MLLT10: variants seen among roughly 807,000 people sequenced by gnomAD.
MLLT10 encodes the protein MLLT10 histone lysine methyltransferase DOT1L cofactor.
Under a neutral mutation model 129.1 loss-of-function variants are expected in MLLT10, and 30 were observed. That is an observed-to-expected ratio of 0.23 (90% CI 0.17 to 0.32). MLLT10 has a LOEUF of 0.32. MLLT10 is among the 10% of genes least tolerant of loss of function. MLLT10 has a pLI of 1.00. For synonymous variants in MLLT10, 490 were observed against 446.4 expected (o/e 1.10, Z -1.23); for missense variants, 1,119 against 1,268.3 (o/e 0.88, Z 1.79).
chr10:21,724,224 G>C (rs2057322663), intron 14 of MLLT10, among the ~76,000 whole-genome samples: 1 of 152,238 alleles, frequency 6.6e-6, no homozygotes, highest in Non-Finnish European at 1.5e-5. Context: ...ACATTAAAGT[G>C]TGAACTATAA....
chr10:21,605,099 AAAAG>A (rs1469371664), intron 5 of MLLT10, among the ~76,000 whole-genome samples: 4 of 151,488 alleles, frequency 2.6e-5, no homozygotes, highest in Non-Finnish European at 4.4e-5. Context: ...AAAAAAAAAA[AAAAG>A]AAAGAAATAT....
At chr10:21,555,806 T>C (rs935255240) in intron 3 of MLLT10, among the ~76,000 whole-genome samples, 1 of 151,682 alleles carries the variant, frequency 6.6e-6, no homozygotes, top group Non-Finnish European at 1.5e-5. Context: ...TAGCTGGGTT[T>C]ATAGGCATGC....
intron 9 of MLLT10, among the ~76,000 whole-genome samples, chr10:21,667,729 T>C (rs1363457877): frequency 6.6e-6 from 1 of 152,170 alleles, no homozygotes; most frequent in Non-Finnish European, 1.5e-5. Context: ...GACAGAGCCT[T>C]GTAGACTAAT....
At chr10:21,556,137 G>A (rs1175490572) in intron 3 of MLLT10, among the ~76,000 whole-genome samples, 1 of 151,754 alleles carries the variant, frequency 6.6e-6, no homozygotes, top group African/African-American at 2.4e-5. Context: ...CACCACACCT[G>A]GCTAATTTTT....
chr10:21,572,901 A>G (rs1216807536), intron 3 of MLLT10, among the ~76,000 whole-genome samples: 1 of 152,126 alleles, frequency 6.6e-6, no homozygotes, highest in African/African-American at 2.4e-5. Context: ...ATGAGTCACC[A>G]CGCCTGGCCT....
intron 13 of MLLT10, among the ~76,000 whole-genome samples, chr10:21,713,456 T>C (rs1341074040): frequency 6.6e-6 from 1 of 152,252 alleles, no homozygotes; most frequent in Non-Finnish European, 1.5e-5. Context: ...TTCATTCCTC[T>C]ATTTAAGAAA....
intron 3 of MLLT10, among the ~76,000 whole-genome samples, chr10:21,582,343 C>T (rs2041561241): frequency 6.6e-6 from 1 of 152,074 alleles, no homozygotes; most frequent in Admixed American, 6.6e-5. Flanking sequence ...TGGTCTCGAA[C>T]TCCTGACCTC....
chr10:21,566,216 A>G (rs1198666758), intron 3 of MLLT10, among the ~76,000 whole-genome samples: 3 of 151,312 alleles, frequency 2.0e-5, no homozygotes, highest in Non-Finnish European at 4.4e-5. Context: ...AGGCCTCCCA[A>G]AGTGCTGGGA....
At chr10:21,613,192 CAAAAAAAAAA>C (rs993493277) in intron 6 of MLLT10, among the ~76,000 whole-genome samples, 1 of 24,642 alleles carries the variant, frequency 4.1e-5, no homozygotes, top group Non-Finnish European at 8.7e-5. Flanking sequence ...GACTCTGTCT[CAAAAAAAAAA>C]AAAAAAAAAA....
intron 11 of MLLT10, among the ~76,000 whole-genome samples, chr10:21,678,523 A>T (rs559149186): frequency 2.6e-5 from 4 of 152,358 alleles, no homozygotes; most frequent in African/African-American, 9.6e-5. Flanking sequence ...ACGAAGGCCA[A>T]TATTACCTGA....
At chr10:21,649,608 A>T (rs982665171) in intron 8 of MLLT10, among the ~76,000 whole-genome samples, 1 of 152,172 alleles carries the variant, frequency 6.6e-6, no homozygotes, top group African/African-American at 2.4e-5. Context: ...TCTTATTCAC[A>T]TGTCTGGCGC....
intron 9 of MLLT10, among the ~76,000 whole-genome samples, chr10:21,668,619 A>G (rs140277000): frequency 2.3e-4 from 35 of 152,208 alleles, no homozygotes; most frequent in African/African-American, 7.9e-4. Context: ...ATTTTTTGTC[A>G]CTGAAGTTTG....
intron 14 of MLLT10, among the ~76,000 whole-genome samples, chr10:21,722,203 C>G (rs1454435382): frequency 6.6e-6 from 1 of 152,134 alleles, no homozygotes; most frequent in Non-Finnish European, 1.5e-5. Flanking sequence ...ATATCCTTCA[C>G]TCAGCCTCCC....
At chr10:21,679,056 C>T (rs2052477600) in intron 11 of MLLT10, among the ~76,000 whole-genome samples, 1 of 152,120 alleles carries the variant, frequency 6.6e-6, no homozygotes, top group Non-Finnish European at 1.5e-5. Context: ...AACTGTAGAT[C>T]AAATTAGAGT....
At chr10:21,738,247 A>G (rs962057426) in intron 21 of MLLT10, among the ~76,000 whole-genome samples, 2 of 151,992 alleles carry the variant, frequency 1.3e-5, no homozygotes, top group African/African-American at 2.4e-5. Flanking sequence ...AGCCTGGACA[A>G]CTAGAGCGAG....
chr10:21,705,735 C>T (rs2055427847), intron 13 of MLLT10, among the ~76,000 whole-genome samples: 2 of 152,270 alleles, frequency 1.3e-5, no homozygotes, highest in South Asian at 2.1e-4. Context: ...GCTGCTGGGC[C>T]CTAGGACAGT....
chr10:21,633,402 G>C (rs1272045172), intron 8 of MLLT10, among the ~76,000 whole-genome samples: 1 of 152,186 alleles, frequency 6.6e-6, no homozygotes, highest in African/African-American at 2.4e-5. Flanking sequence ...TGTATTCCCA[G>C]TTTTGGTTAG....
intron 3 of MLLT10, among the ~76,000 whole-genome samples, chr10:21,539,170 A>G (rs2130893658): frequency 6.6e-6 from 1 of 152,366 alleles, no homozygotes; most frequent in South Asian, 2.1e-4. Flanking sequence ...AACTAGTTAC[A>G]GAATCAAGAA....
chr10:21,653,647 A>G (rs1030779733), intron 9 of MLLT10, among the ~76,000 whole-genome samples: 2 of 152,182 alleles, frequency 1.3e-5, no homozygotes, highest in African/African-American at 2.4e-5. Context: ...ATGTAATATA[A>G]CATATTCACA....
Sources: allele counts gnomAD v4.1 joint callset (sites outside exome capture counted in the v4.1 genomes callset), GRCh38; gene constraint gnomAD v4.1.1; transcripts MANE v1.5; gene names NCBI Gene and HGNC (gene_info 2026-07-23, HGNC 2026-07-21).